Variants in ITIH2 observed in about 807,000 individuals in gnomAD.
ITIH2 encodes inter-alpha-trypsin inhibitor heavy chain 2, also known as inter-alpha-trypsin inhibitor heavy chain H2.
ITIH2 carries 103 observed loss-of-function variants against 104.4 expected under a neutral mutation model. The observed-to-expected ratio is 0.99, with a 90% CI of 0.84 to 1.16. ITIH2 has a LOEUF of 1.16. ITIH2 is among the 50% of genes most tolerant of loss of function. The probability of loss-of-function intolerance (pLI) is 0.00; values close to 1 mark genes in which losing one functional copy is unlikely to be tolerated. For missense variants in ITIH2, 1,108 were observed against 1,162.4 expected (o/e 0.95, Z 0.68); for synonymous variants, 436 against 435.4 (o/e 1.00, Z -0.02).
At chr10:7,712,299 C>T (rs75765323) in intron 4 of ITIH2, among the ~76,000 whole-genome samples, 2,950 of 152,232 alleles carry the variant, frequency 0.019, 79 homozygotes, top group African/African-American at 0.052. Flanking sequence ...GAGAGCTCTT[C>T]GAAGTCTGTT....
intron 5 of ITIH2, among the ~76,000 whole-genome samples, chr10:7,714,510 C>T (rs944992781): frequency 7.9e-5 from 12 of 152,028 alleles, no homozygotes; most frequent in African/African-American, 2.9e-4. Context: ...GTGTTTCTTT[C>T]CTCCTCTCCT....
At chr10:7,710,180 G>A (rs1834784474) in intron 4 of ITIH2, among the ~76,000 whole-genome samples, 1 of 152,176 alleles carries the variant, frequency 6.6e-6, no homozygotes, top group Admixed American at 6.5e-5. Context: ...CAACTAAGGT[G>A]GAAAGCATGA....
intron 5 of ITIH2, 73 bp from the exon 6 acceptor site, chr10:7,717,553 C>T (rs1333746353): frequency 6.3e-6 from 9 of 1,419,412 alleles, no homozygotes; most frequent in African/African-American, 1.4e-5. Flanking sequence ...TTCTACATGC[C>T]CTCTGCCTAG....
rs777545797 is a variant in ITIH2, at chr10:7,717,618, A to C, written c.468-8A>C. On this transcript the variant is annotated splice_region_variant and splice_polypyrimidine_tract_variant and intron_variant, in intron 5 of 20. Coordinates refer to ENST00000358415, the MANE Select transcript of ITIH2 (RefSeq NM_002216.3). ...CTGTTGACTTTTGTTGGGGGCTTTC[A>C]CCTTTAGGAGCAGCGCTCTTGATAT... is the stretch of plus-strand genomic sequence containing the variant. The C allele has an allele frequency of 4.3e-6, 7 of 1,609,224 alleles. No individual in the cohort carries two copies. Among genetic ancestry groups the C allele is most frequent in the Non-Finnish European group, 6.0e-6 (7 of 1,176,044 alleles).
At chr10:7,708,853 G>A (rs527940684) in intron 3 of ITIH2, among the ~76,000 whole-genome samples, 169 bp from the exon 4 acceptor site, 3 of 152,284 alleles carry the variant, frequency 2.0e-5, no homozygotes, top group Non-Finnish European at 2.9e-5. Context: ...GTTCCAAGAA[G>A]TTAGGAGAAT....
chr10:7,704,069 G>T (rs906548245), intron 1 of ITIH2, among the ~76,000 whole-genome samples: 1 of 152,220 alleles, frequency 6.6e-6, no homozygotes, highest in Non-Finnish European at 1.5e-5. Flanking sequence ...AAAAGTACAA[G>T]AATAATTCCC....
intron 12 of ITIH2, among the ~76,000 whole-genome samples, chr10:7,731,552 C>T (rs899102765): frequency 2.0e-5 from 3 of 151,928 alleles, no homozygotes; most frequent in African/African-American, 7.3e-5. Context: ...TGGTGAAAAC[C>T]CGTCTCTACT....
At chr10:7,746,797 G>A (rs1410018879) in intron 20 of ITIH2, 93 bp downstream of exon 20, 1 of 749,904 alleles carries the variant, frequency 1.3e-6, no homozygotes, top group Non-Finnish European at 2.4e-6. Context: ...AAGTGTCGTA[G>A]GCACTACCTA....
chr10:7,738,973 TA>T (rs1201934407), intron 16 of ITIH2, among the ~76,000 whole-genome samples: 3 of 152,168 alleles, frequency 2.0e-5, no homozygotes, highest in East Asian at 3.8e-4. Flanking sequence ...GTTCAGTCTT[TA>T]AAAAAACCTT....
At chr10:7,711,713 TG>T (rs1289879556) in intron 4 of ITIH2, among the ~76,000 whole-genome samples, 1 of 152,168 alleles carries the variant, frequency 6.6e-6, no homozygotes, top group Non-Finnish European at 1.5e-5. Flanking sequence ...TGTTGGCATT[TG>T]GGGCAGGAAA....
chr10:7,729,145 C>G (rs1353582950), intron 11 of ITIH2, among the ~76,000 whole-genome samples: 1 of 152,104 alleles, frequency 6.6e-6, no homozygotes, highest in Non-Finnish European at 1.5e-5. Context: ...GAAACCCCAT[C>G]TCTACTAAAA....
At position 7,723,439 on chromosome 10, in the gene ITIH2, T is replaced by G. The variant is rs2130949466; in HGVS notation, c.868-12T>G. 2 of 1,517,496 alleles carry G rather than the reference T, an allele frequency of 1.3e-6. No individual in the cohort carries two copies. Among genetic ancestry groups the G allele is most frequent in the East Asian group, 4.5e-5 (2 of 44,440 alleles). 94.0% of individuals were successfully genotyped at this position (1,517,496 alleles called of 1,614,324 possible). On this transcript the variant is annotated splice_polypyrimidine_tract_variant and intron_variant, in intron 8 of 20. Coordinates refer to ENST00000358415, the MANE Select transcript of ITIH2 (RefSeq NM_002216.3). ...ATCATGATTTGACTCACAAATACCT[T>G]CTATTTTTCAGGTGTTTAATGGATA...
chr10:7,725,337 G>C (rs936325674), intron 9 of ITIH2, among the ~76,000 whole-genome samples: 2 of 152,158 alleles, frequency 1.3e-5, no homozygotes, highest in Non-Finnish European at 2.9e-5. Context: ...ATATCTAAGG[G>C]AATTAAATGC....
chr10:7,712,593 T>G (rs1834806250), intron 4 of ITIH2, among the ~76,000 whole-genome samples: 1 of 152,086 alleles, frequency 6.6e-6, no homozygotes, highest in South Asian at 2.1e-4. Flanking sequence ...AAGGATGAAA[T>G]TCAAAGATGA....
chr10:7,705,237 G>A, intron 2 of ITIH2, 55 bp downstream of exon 2: 1 of 1,241,272 alleles, frequency 8.1e-7, no homozygotes, highest in Non-Finnish European at 1.2e-6. Context: ...GATTATGGCA[G>A]AAGAAGACAA....
intron 3 of ITIH2, 95 bp from the exon 4 acceptor site, chr10:7,708,927 T>G: frequency 9.6e-7 from 1 of 1,041,048 alleles, no homozygotes. Flanking sequence ...GTAAAACAAG[T>G]AAAATGTAGT....
chr10:7,726,233 G>T (rs1834950329), intron 9 of ITIH2, among the ~76,000 whole-genome samples: 1 of 152,136 alleles, frequency 6.6e-6, no homozygotes, highest in South Asian at 2.1e-4. Flanking sequence ...TGAAGAAAGT[G>T]GATGCACATG....
At chr10:7,723,726 T>C (rs1281143987) in intron 9 of ITIH2, among the ~76,000 whole-genome samples, 159 bp downstream of exon 9, 1 of 152,184 alleles carries the variant, frequency 6.6e-6, no homozygotes, top group Non-Finnish European at 1.5e-5. Context: ...AATTTTGCTA[T>C]TATTGCATTT....
chr10:7,714,778 G>A (rs1834832445), intron 5 of ITIH2, among the ~76,000 whole-genome samples: 1 of 152,132 alleles, frequency 6.6e-6, no homozygotes, highest in Admixed American at 6.5e-5. Context: ...AGTGCCGAGT[G>A]TGTCATCCTG....
Sources: gnomAD v4.1 joint callset for allele counts (sites outside exome capture counted in the v4.1 genomes callset) on GRCh38, gnomAD v4.1.1 for gene constraint, MANE v1.5 for transcripts, NCBI Gene and HGNC (gene_info 2026-07-23, HGNC 2026-07-21) for gene names.